TRHDE: variants seen among roughly 807,000 people sequenced by gnomAD.
The protein encoded by TRHDE is thyrotropin releasing hormone degrading enzyme, also known as thyrotropin-releasing hormone-degrading ectoenzyme.
In TRHDE, 72 loss-of-function variants were observed where a neutral mutation model predicts 125.7. The ratio of observed to expected loss-of-function variants is 0.57; its 90% CI spans 0.47 to 0.70. TRHDE has a LOEUF of 0.70. TRHDE is among the 30% of genes least tolerant of loss of function. The pLI is 0.00. For synonymous variants in TRHDE, 509 were observed against 509.1 expected (o/e 1.00, Z 0.00); for missense variants, 1,110 against 1,327.1 (o/e 0.84, Z 2.54).
At chr12:72,657,316 T>G (rs1224714335) in intron 18 of TRHDE, among the ~76,000 whole-genome samples, 2 of 152,168 alleles carry the variant, frequency 1.3e-5, no homozygotes, top group African/African-American at 4.8e-5. Flanking sequence ...TAACCCACTG[T>G]AGGATTCACT....
intron 6 of TRHDE, among the ~76,000 whole-genome samples, chr12:72,515,756 A>C (rs1370824548): frequency 6.6e-6 from 1 of 151,970 alleles, no homozygotes; most frequent in East Asian, 1.9e-4. Context: ...GTTTTCTTCT[A>C]GGGTTTTTAT....
At chr12:72,622,875 A>G (rs1482743674) in intron 15 of TRHDE, among the ~76,000 whole-genome samples, 13 of 151,932 alleles carry the variant, frequency 8.6e-5, no homozygotes, top group Non-Finnish European at 1.8e-4. Context: ...CTCTAAATTA[A>G]TTGTTTCTGG....
At chr12:72,505,928 A>T (rs552941565) in intron 6 of TRHDE, among the ~76,000 whole-genome samples, 1 of 152,294 alleles carries the variant, frequency 6.6e-6, no homozygotes, top group East Asian at 1.9e-4. Flanking sequence ...TGATTAATGC[A>T]CAGAGAGAGC....
intron 12 of TRHDE, among the ~76,000 whole-genome samples, chr12:72,613,748 C>G (rs1488870109): frequency 1.3e-5 from 2 of 152,124 alleles, no homozygotes; most frequent in Non-Finnish European, 2.9e-5. Flanking sequence ...TGGGATCAGG[C>G]TTTCTGGAAG....
chr12:72,339,696 A>G (rs960135781), intron 2 of TRHDE, among the ~76,000 whole-genome samples: 2 of 152,172 alleles, frequency 1.3e-5, no homozygotes, highest in African/African-American at 4.8e-5. Context: ...ACAAAATCAA[A>G]TCATGGTTTT....
At position 72,570,578 on chromosome 12, in the gene TRHDE, CAAAA is replaced by C. The variant is rs572094533; in HGVS notation, c.2131+1946_2131+1949del. On this transcript the variant is annotated intron_variant, in intron 10 of 18. Transcript: ENST00000261180. ...CCTGAGTGAGAGAGAGAGACTGTCT[CAAAA>C]AAAAAAAAAAAAAAAAAAAAAAAGA... is the stretch of plus-strand genomic sequence containing the variant. Among the ~76,000 whole-genome samples, 10 of 58,458 alleles carry C rather than the reference CAAAA, an allele frequency of 1.7e-4. No homozygotes were observed. In the South Asian group the frequency reaches 3.2e-3, roughly 19 times the overall value. 38.4% of individuals were successfully genotyped at this position (58,458 alleles called of 152,430 possible).
At chr12:72,527,037 A>C (rs1868348593) in intron 6 of TRHDE, among the ~76,000 whole-genome samples, 1 of 152,174 alleles carries the variant, frequency 6.6e-6, no homozygotes, top group South Asian at 2.1e-4. Context: ...ACCAAGGATT[A>C]GTCTTTGTCT....
intron 2 of TRHDE, among the ~76,000 whole-genome samples, chr12:72,122,971 T>G (rs1203822143): frequency 6.6e-6 from 1 of 152,130 alleles, no homozygotes; most frequent in Non-Finnish European, 1.5e-5. Flanking sequence ...CCACACTGTC[T>G]TGAGTTACAC....
intron 2 of TRHDE, among the ~76,000 whole-genome samples, chr12:72,265,633 C>T (rs1375076988): frequency 2.0e-5 from 3 of 150,912 alleles, no homozygotes; most frequent in Non-Finnish European, 4.4e-5. Flanking sequence ...AGAAAAAAAT[C>T]AGAATACATC....
At chr12:72,637,877 T>C (rs1873837581) in intron 15 of TRHDE, among the ~76,000 whole-genome samples, 1 of 151,972 alleles carries the variant, frequency 6.6e-6, no homozygotes, top group African/African-American at 2.4e-5. Flanking sequence ...GATAGTTTGT[T>C]ATAATTTCTG....
At chr12:72,095,653 T>C (rs188492579) in intron 1 of TRHDE, among the ~76,000 whole-genome samples, 2 of 152,338 alleles carry the variant, frequency 1.3e-5, no homozygotes, top group East Asian at 1.9e-4. Context: ...AAGTCAGTGA[T>C]AGCACGCTGG....
intron 2 of TRHDE, chr12:72,253,712 TC>T: frequency 6.6e-6 from 1 of 152,178 alleles, no homozygotes; most frequent in Admixed American, 6.5e-5. Flanking sequence ...TTGAAGTAAT[TC>T]CTATCCCTAA....
chr12:72,308,960 A>C (rs1276381869), intron 2 of TRHDE, among the ~76,000 whole-genome samples: 2 of 151,958 alleles, frequency 1.3e-5, no homozygotes, highest in African/African-American at 4.8e-5. Flanking sequence ...TTCTTTTTTT[A>C]ATGTTAGAAC....
In TRHDE at chr12:72,547,067, TG is replaced by T. The variant is rs539410790; in HGVS notation, c.1788+4713del. Among the ~76,000 whole-genome samples the T allele has an allele frequency of 2.2e-3, 334 of 151,798 alleles. 2 individuals are homozygous for T. The highest frequency in any genetic ancestry group is 7.5e-3 in the African/African-American group (313 of 41,480). ...GGAGTGTAGATGGCAGGGGAAGTGGTGGTGAATGGCTAACCGTCTGACACAT... is the reference window on the plus strand; with the variant it reads ...GGAGTGTAGATGGCAGGGGAAGTGGTGTGAATGGCTAACCGTCTGACACAT... On this transcript the variant is annotated intron_variant, in intron 7 of 18. Coordinates refer to ENST00000261180, the MANE Select transcript of TRHDE (RefSeq NM_013381.3).
intron 2 of TRHDE, among the ~76,000 whole-genome samples, chr12:72,204,028 C>T (rs1201916534): frequency 1.3e-5 from 2 of 152,132 alleles, no homozygotes; most frequent in African/African-American, 2.4e-5. Flanking sequence ...CTGATTATTT[C>T]ACTTGATTTT....
intron 5 of TRHDE, among the ~76,000 whole-genome samples, chr12:72,479,909 G>A (rs1290531699): frequency 9.3e-5 from 14 of 151,014 alleles, no homozygotes; most frequent in Admixed American, 2.0e-4. Context: ...GAGAACATGC[G>A]GTGTTTGGTT....
At chr12:72,652,835 CTA>C (rs1166847342) in intron 16 of TRHDE, among the ~76,000 whole-genome samples, 179 bp from the exon 17 acceptor site, 1 of 151,784 alleles carries the variant, frequency 6.6e-6, no homozygotes, top group Non-Finnish European at 1.5e-5. Context: ...AATTAAAATA[CTA>C]TGAGTTTGAT....
chr12:72,199,896 A>G (rs776984909), intron 2 of TRHDE, among the ~76,000 whole-genome samples: 2 of 152,136 alleles, frequency 1.3e-5, no homozygotes, highest in Non-Finnish European at 2.9e-5. Flanking sequence ...TAAATTCTAA[A>G]GGGCTAGCTT....
intron 3 of TRHDE, among the ~76,000 whole-genome samples, chr12:72,413,750 C>A (rs1204881990): frequency 1.3e-5 from 2 of 151,970 alleles, no homozygotes; most frequent in Admixed American, 6.6e-5. Flanking sequence ...ATGAGCATCA[C>A]CATCCTCCAA....
Sources: gnomAD v4.1 joint callset for allele counts (sites outside exome capture counted in the v4.1 genomes callset) on GRCh38, gnomAD v4.1.1 for gene constraint, MANE v1.5 for transcripts, NCBI Gene and HGNC (gene_info 2026-07-23, HGNC 2026-07-21) for gene names.